MYLK: variants seen among roughly 807,000 people sequenced by gnomAD.
MYLK encodes the protein myosin light chain kinase, smooth muscle.
A neutral mutation model predicts 203.4 loss-of-function variants in MYLK; 106 were observed. The ratio of observed to expected loss-of-function variants is 0.52; its 90% CI spans 0.45 to 0.61. MYLK has a LOEUF of 0.61. Ranked by LOEUF, MYLK falls within the 20% of genes least tolerant of loss-of-function variation. MYLK has a pLI of 0.00. For missense variants in MYLK, 2,072 were observed against 2,442.3 expected (o/e 0.85, Z 3.20); for synonymous variants, 867 against 959.5 (o/e 0.90, Z 1.78).
chr3:123,820,611 T>TTTCCTTCCTTCC (rs71142760), intron 3 of MYLK, among the ~76,000 whole-genome samples: 15,470 of 136,002 alleles, frequency 0.11, 1,194 homozygotes, highest in East Asian at 0.32. Context: ...CAGTGATTGA[T>TTTCCTTCCTTCC]TTCCTTCCTT....
intron 27 of MYLK, among the ~76,000 whole-genome samples, chr3:123,645,037 G>T (rs2108155020): frequency 6.6e-6 from 1 of 152,270 alleles, no homozygotes; most frequent in East Asian, 1.9e-4. Context: ...ACAACACCTT[G>T]TTGGAAGTTA....
At chr3:123,720,449 G>C (rs191249871) in intron 13 of MYLK, among the ~76,000 whole-genome samples, 3 of 152,136 alleles carry the variant, frequency 2.0e-5, no homozygotes, top group African/African-American at 7.2e-5. Context: ...GCGGCTCTAC[G>C]TGTAGCATTC....
intron 28 of MYLK, among the ~76,000 whole-genome samples, chr3:123,639,540 T>C (rs947663935): frequency 3.3e-5 from 5 of 152,112 alleles, no homozygotes; most frequent in African/African-American, 1.2e-4. Flanking sequence ...CACCGGGACA[T>C]CAAAGGGCTG....
chr3:123,747,298 T>C (rs1256012880), intron 5 of MYLK, among the ~76,000 whole-genome samples: 1 of 152,202 alleles, frequency 6.6e-6, no homozygotes, highest in Non-Finnish European at 1.5e-5. Flanking sequence ...CTAGGTGACC[T>C]GCTGGCTGGC....
chr3:123,863,931 C>T (rs1437847694), intron 2 of MYLK, among the ~76,000 whole-genome samples: 2 of 152,068 alleles, frequency 1.3e-5, no homozygotes, highest in African/African-American at 4.8e-5. Flanking sequence ...TTCATAATAG[C>T]CAAACTGGAA....
intron 4 of MYLK, among the ~76,000 whole-genome samples, chr3:123,782,662 CTT>C (rs930315494): frequency 5.3e-5 from 8 of 152,158 alleles, no homozygotes; most frequent in Non-Finnish European, 1.2e-4. Context: ...AATCTGGTCT[CTT>C]TATCTCTCAT....
intron 24 of MYLK, among the ~76,000 whole-genome samples, chr3:123,651,174 G>A (rs933580888): frequency 5.3e-5 from 8 of 152,288 alleles, no homozygotes; most frequent in South Asian, 2.1e-4. Flanking sequence ...TCACACAATC[G>A]CCAAGGATGA....
At position 123,657,302 on chromosome 3, in the gene MYLK, C is replaced by G; in HGVS notation, c.4112G>C (p.Trp1371Ser). 6.2e-7 allele frequency: 1 copy of G among 1,614,094 alleles called. No individual in the cohort carries two copies. The highest frequency in any genetic ancestry group is 8.5e-7 in the Non-Finnish European group (1 of 1,180,022). Reference protein sequence around the residue: ...SAVQSYSIEIWDSANKTWKEL... With the variant: ...SAVQSYSIEISDSANKTWKEL... The stretch of plus-strand genomic sequence containing the variant: ...CTTCCACGTCTTGTTGGCTGAGTCC[C>G]AGATCTCGATGCTGTAGGACTGTAC... The change falls in exon 24 of 34, where the codon TGG becomes TCG. Residue 1371 changes from tryptophan to serine, a missense_variant. Coordinates refer to ENST00000360304, the MANE Select transcript of MYLK (RefSeq NM_053025.4).
chr3:123,634,955 C>T (rs935204267), intron 29 of MYLK, among the ~76,000 whole-genome samples: 9 of 152,322 alleles, frequency 5.9e-5, no homozygotes, highest in Non-Finnish European at 1.0e-4. Context: ...TTTCAGGATC[C>T]GGGGTAAGAG....
At chr3:123,696,957 C>T (rs996897658) in intron 18 of MYLK, among the ~76,000 whole-genome samples, 9 of 152,248 alleles carry the variant, frequency 5.9e-5, no homozygotes, top group Admixed American at 3.9e-4. Context: ...GCGGGGCCCC[C>T]GCCTGGAAGC....
At chr3:123,795,288 T>G (rs1302953308) in intron 3 of MYLK, among the ~76,000 whole-genome samples, 2 of 152,260 alleles carry the variant, frequency 1.3e-5, no homozygotes, top group African/African-American at 2.4e-5. Context: ...GATGTATGAC[T>G]TACATAACTA....
chr3:123,758,686 C>T (rs761238567), intron 4 of MYLK, among the ~76,000 whole-genome samples: 2 of 152,110 alleles, frequency 1.3e-5, no homozygotes, highest in Non-Finnish European at 1.5e-5. Context: ...CCTTCTGGAC[C>T]GCTTAATCAA....
chr3:123,707,912 T>C lies in MYLK; in HGVS notation c.2232A>G (p.Ile744Met), dbSNP rs2061524301. 6.2e-7 allele frequency: 1 copy of C among 1,614,118 alleles called. No individual in the cohort carries two copies. Among genetic ancestry groups the C allele is most frequent in the Non-Finnish European group, 8.5e-7 (1 of 1,180,058 alleles). ...GCACGGTAGGAAAGGGGTCACCAGCTATGGCGCAGGAGATGAGGACACTCT... is the reference window on the plus strand; with the variant it reads ...GCACGGTAGGAAAGGGGTCACCAGCCATGGCGCAGGAGATGAGGACACTCT... Reference protein sequence around the residue: ...LGQSVLISCAIAGDPFPTVHW... With the variant: ...LGQSVLISCAMAGDPFPTVHW... Residue 744 changes from isoleucine (I) to methionine (M), a missense_variant, in exon 16 of 34, where the codon ATA (isoleucine) becomes ATG (methionine). Ile to Met is a conservative substitution (Grantham distance 10). Around this residue, in one of 3 missense-constraint regions of MYLK, gnomAD observed 865 missense variants for 1,016.0 expected, o/e 0.85. Coordinates refer to ENST00000360304, the MANE Select transcript of MYLK (RefSeq NM_053025.4).
intron 5 of MYLK, among the ~76,000 whole-genome samples, chr3:123,749,755 G>A (rs908156778): frequency 6.6e-6 from 1 of 152,208 alleles, no homozygotes; most frequent in Non-Finnish European, 1.5e-5. Context: ...CCAAGTCACA[G>A]AAAAGGAAGT....
At chr3:123,637,692 C>T (rs187437458) in intron 29 of MYLK, among the ~76,000 whole-genome samples, 20 of 152,218 alleles carry the variant, frequency 1.3e-4, no homozygotes, top group Middle Eastern at 3.4e-3. Flanking sequence ...CCCAGAGATT[C>T]GCCCCTGGCC....
intron 23 of MYLK, among the ~76,000 whole-genome samples, chr3:123,662,352 C>G (rs530998734): frequency 3.9e-5 from 6 of 152,212 alleles, no homozygotes; most frequent in African/African-American, 1.4e-4. Flanking sequence ...AAACATCAGT[C>G]CTGTCCATCC....
At chr3:123,664,394 C>A in intron 22 of MYLK, 136 bp from the exon 23 acceptor site, 1 of 1,221,232 alleles carries the variant, frequency 8.2e-7, no homozygotes, top group Non-Finnish European at 1.2e-6. Flanking sequence ...GGTCTGGACT[C>A]TGCCCTTCTC....
chr3:123,669,352 A>G (rs377053414), intron 20 of MYLK, among the ~76,000 whole-genome samples: 3 of 152,300 alleles, frequency 2.0e-5, no homozygotes, highest in South Asian at 4.1e-4. Flanking sequence ...TGAGGAGGAA[A>G]CCAAACAATG....
intron 4 of MYLK, among the ~76,000 whole-genome samples, chr3:123,772,819 G>A (rs1430252874): frequency 3.3e-5 from 5 of 151,912 alleles, no homozygotes; most frequent in South Asian, 2.1e-4. Context: ...TTTAAAAAAC[G>A]TGTTAATAGG....
Sources: gnomAD v4.1 joint callset for allele counts (sites outside exome capture counted in the v4.1 genomes callset) on GRCh38, gnomAD v4.1.1 for gene constraint, gnomAD v4.1.1 regional missense constraint, MANE v1.5 for transcripts, NCBI Gene and HGNC (gene_info 2026-07-23, HGNC 2026-07-21) for gene names.